Variants in SOX30 observed in about 807,000 individuals in gnomAD.
The protein encoded by SOX30 is SRY-box transcription factor 30.
A neutral mutation model predicts 58.6 loss-of-function variants in SOX30; 17 were observed. The ratio of observed to expected loss-of-function variants is 0.29; its 90% CI spans 0.20 to 0.44. The LOEUF is 0.44. SOX30 is among the 20% of genes least tolerant of loss of function. The pLI is 1.00. For missense variants in SOX30, 951 were observed against 965.8 expected (o/e 0.98, Z 0.20); for synonymous variants, 421 against 400.2 (o/e 1.05, Z -0.62).
In SOX30 at chr5:157,651,155, A is replaced by C; in HGVS notation, c.924T>G (p.Ile308Met). The C allele has an allele frequency of 1.9e-6, 3 of 1,577,722 alleles. No individual in the cohort carries two copies. Among genetic ancestry groups the C allele is most frequent in the Non-Finnish European group, 2.6e-6 (3 of 1,161,638 alleles). ...CGGTGAGCGGGACATCTTTGGTTTCAATTTTTACAGAAGGCTCCAGTAGGG... is the reference window on the plus strand; with the variant it reads ...CGGTGAGCGGGACATCTTTGGTTTCCATTTTTACAGAAGGCTCCAGTAGGG... ...MQSLLEPSVK[I>M]ETKDVPLTVL... The change falls in exon 1 of 5, where the codon ATT becomes ATG. Residue 308 changes from isoleucine (I) to methionine (M), a missense_variant. Ile to Met is a conservative substitution (Grantham distance 10). Transcript: ENST00000265007.
chr5:157,654,994 G>A (rs1316849049), upstream of SOX30, among the ~76,000 whole-genome samples: 3 of 152,108 alleles, frequency 2.0e-5, no homozygotes, highest in Non-Finnish European at 4.4e-5. Context: ...TAATAAACTC[G>A]CTTTCACTTT....
chr5:157,638,803 T>A (rs1427725567), intron 3 of SOX30, 81 bp from the exon 4 acceptor site: 7 of 1,432,656 alleles, frequency 4.9e-6, no homozygotes, highest in Middle Eastern at 3.8e-4. Flanking sequence ...TTTAATAAAT[T>A]GTATAAGCAG....
upstream of SOX30, among the ~76,000 whole-genome samples, chr5:157,656,770 G>A (rs1759480759): frequency 1.3e-5 from 2 of 152,164 alleles, no homozygotes; most frequent in Non-Finnish European, 2.9e-5. Flanking sequence ...TAGATTAAAT[G>A]GTTAAATTAT....
chr5:157,632,403 T>C (rs1176509833), intron 4 of SOX30, among the ~76,000 whole-genome samples: 1 of 152,172 alleles, frequency 6.6e-6, no homozygotes, highest in Admixed American at 6.5e-5. Flanking sequence ...GTCTAGCTAA[T>C]TAGGTCTCAT....
At chr5:157,668,919 TCC>T (rs1759718340) in intron 1 of SOX30, among the ~76,000 whole-genome samples, 2 of 152,148 alleles carry the variant, frequency 1.3e-5, no homozygotes, top group East Asian at 3.9e-4. Flanking sequence ...GATCCCAGGA[TCC>T]TGCTGCTCAT....
At chr5:157,641,837 G>A (rs1464789599) in intron 3 of SOX30, among the ~76,000 whole-genome samples, 3 of 152,146 alleles carry the variant, frequency 2.0e-5, no homozygotes, top group Non-Finnish European at 4.4e-5. Context: ...ATGTGCCACT[G>A]GAATTTACTC....
rs1179359769 is a variant in SOX30 at position 157,651,617 on chromosome 5, C to T, written c.462G>A (p.Gly154=). ...PSLDQSVGPR[G]AVETGPRASR... Reference sequence around the variant, plus strand: ...AGGCTCTAGGACCGGTTTCGACGGCCCCTCGAGGCCCCACTGACTGATCCA... The same window carrying T: ...AGGCTCTAGGACCGGTTTCGACGGCTCCTCGAGGCCCCACTGACTGATCCA... The change falls in exon 1 of 5, where the codon GGG becomes GGA. Residue 154 remains glycine, a synonymous_variant. Transcript: ENST00000265007. The T allele has an allele frequency of 3.7e-6, 6 of 1,612,706 alleles. No individual in the cohort carries two copies. The highest frequency in any genetic ancestry group is 2.5e-6 in the Non-Finnish European group (3 of 1,179,866).
chr5:157,646,328 C>A (rs1342321159), intron 3 of SOX30, among the ~76,000 whole-genome samples: 1 of 152,140 alleles, frequency 6.6e-6, no homozygotes, highest in East Asian at 1.9e-4. Flanking sequence ...AGTAAAAAGA[C>A]TCTCCTTTTT....
chr5:157,636,844 TAGGCCGG>T (rs1758939835), intron 4 of SOX30, among the ~76,000 whole-genome samples: 1 of 152,080 alleles, frequency 6.6e-6, no homozygotes, highest in Admixed American at 6.6e-5. Flanking sequence ...AAGTAAAGGC[TAGGCCGG>T]GAATGGTGGT....
At chr5:157,640,438 G>A (rs887309435) in intron 3 of SOX30, among the ~76,000 whole-genome samples, 1 of 152,092 alleles carries the variant, frequency 6.6e-6, no homozygotes, top group Non-Finnish European at 1.5e-5. Flanking sequence ...TGCTATAAGC[G>A]AGACAGGGTA....
chr5:157,653,116 C>G (rs1759403758), upstream of SOX30, among the ~76,000 whole-genome samples: 1 of 152,198 alleles, frequency 6.6e-6, no homozygotes. Flanking sequence ...CATCATCATT[C>G]TCTTTCTACT....
intron 3 of SOX30, among the ~76,000 whole-genome samples, chr5:157,644,431 A>G (rs1431079689): frequency 6.6e-6 from 1 of 152,208 alleles, no homozygotes; most frequent in African/African-American, 2.4e-5. Context: ...TGCCTACCAT[A>G]CTTAAATACA....
At chr5:157,665,476 T>A (rs1228360874) in intron 2 of SOX30, among the ~76,000 whole-genome samples, 2 of 151,970 alleles carry the variant, frequency 1.3e-5, no homozygotes, top group Non-Finnish European at 2.9e-5. Context: ...GAGGGATAGC[T>A]TTAGGAGATA....
chr5:157,629,563 A>T (rs758104555), intron 4 of SOX30, among the ~76,000 whole-genome samples: 1 of 152,260 alleles, frequency 6.6e-6, no homozygotes, highest in East Asian at 1.9e-4. Context: ...AGAAGGTTAC[A>T]TGAGTGAAAG....
chr5:157,654,093 G>A (rs1759422978), upstream of SOX30, among the ~76,000 whole-genome samples: 1 of 151,640 alleles, frequency 6.6e-6, no homozygotes, highest in Admixed American at 6.6e-5. Context: ...TTGAACCTGG[G>A]AGGCAGAGGT....
rs77182524 is a variant in SOX30, at chr5:157,648,307, C to T, written c.1207+350G>A. ...CGTAGACTGCATTTTTTTTCTGTTG[C>T]TATCATTTTAACACTTCTATAGTTT... On this transcript the variant is annotated intron_variant, in intron 2 of 4. Transcript: ENST00000265007. Among the ~76,000 whole-genome samples, 1,308 of 152,220 alleles carry T rather than the reference C, an allele frequency of 8.6e-3. 14 individuals carry two copies. The highest frequency in any genetic ancestry group is 0.029 in the African/African-American group (1,210 of 41,540).
intron 4 of SOX30, among the ~76,000 whole-genome samples, chr5:157,627,945 G>A (rs1167118088): frequency 3.3e-5 from 5 of 150,248 alleles, no homozygotes; most frequent in Middle Eastern, 3.2e-3. Flanking sequence ...AGTGAGCCGC[G>A]ATCACGCCAC....
chr5:157,651,678 T>G lies in SOX30; in HGVS notation c.401A>C (p.His134Pro), dbSNP rs778683328. 15 of 1,607,210 alleles carry G rather than the reference T, an allele frequency of 9.3e-6. No homozygotes were observed. The highest frequency in any genetic ancestry group is 1.3e-5 in the Non-Finnish European group (15 of 1,177,646). ...ELHPVQPLALHVKAKKQKLGP... is the reference protein window; with the variant it reads ...ELHPVQPLALPVKAKKQKLGP... ...CAGCTTCTGCTTCTTGGCCTTGACA[T>G]GCAGCGCCAGGGGCTGCACCGGGTG... is the stretch of plus-strand genomic sequence containing the variant. Residue 134 changes from histidine (H) to proline (P), a missense_variant, in exon 1 of 5, where the codon CAT becomes CCT. This residue lies in a region of SOX30 where 363 missense variants were observed against 294.5 expected (regional missense o/e 1.23). Transcript: ENST00000265007.
rs546967310 is a variant in SOX30, at chr5:157,628,077, G to T, written c.1881-1356C>A. 2.7e-4 allele frequency among the ~76,000 whole-genome samples: 41 copies of T among 152,038 alleles called. No individual in the cohort carries two copies. In the South Asian group the frequency reaches 8.5e-3, roughly 32 times the overall value. ...TGCCTGTAGTCCCAGCTACTCAGGA[G>T]GCTGACGCAGGAGGATCGTTTGAGC... On this transcript the variant is annotated intron_variant, in intron 4 of 4. Transcript: ENST00000265007.
Sources: gnomAD v4.1 joint callset for allele counts (sites outside exome capture counted in the v4.1 genomes callset) on GRCh38, gnomAD v4.1.1 for gene constraint, gnomAD v4.1.1 regional missense constraint, MANE v1.5 for transcripts, NCBI Gene and HGNC (gene_info 2026-07-23, HGNC 2026-07-21) for gene names.